The following CDH13 variants were observed in gnomAD, a reference collection of about 807,000 sequenced individuals.
CDH13 encodes cadherin-13.
Under a neutral mutation model 63.8 loss-of-function variants are expected in CDH13, and 24 were observed. The ratio of observed to expected loss-of-function variants is 0.38; its 90% CI spans 0.27 to 0.53. The LOEUF is 0.53. Ranked by LOEUF, CDH13 falls within the 20% of genes least tolerant of loss-of-function variation. The probability of loss-of-function intolerance (pLI) is 0.85; values close to 1 mark genes in which losing one functional copy is unlikely to be tolerated. For missense variants in CDH13, 1,049 were observed against 903.1 expected, an observed-to-expected ratio of 1.16 and a Z score of -2.07; for synonymous variants, 503 against 355.3, an observed-to-expected ratio of 1.42 and a Z score of -4.67.
At chr16:83,344,380 T>G (rs1432496375) in intron 5 of CDH13, among the ~76,000 whole-genome samples, 2 of 152,194 alleles carry the variant, frequency 1.3e-5, no homozygotes, top group Non-Finnish European at 2.9e-5. Context: ...AATTCTGAGT[T>G]CCTAGCCTGA....
chr16:83,061,604 A>G (rs769176078), intron 3 of CDH13, among the ~76,000 whole-genome samples: 3 of 152,160 alleles, frequency 2.0e-5, no homozygotes, highest in Non-Finnish European at 4.4e-5. Flanking sequence ...AGGGCACCCA[A>G]TGCAAAATTG....
At chr16:83,379,982 G>A (rs924595238) in intron 6 of CDH13, among the ~76,000 whole-genome samples, 12 of 145,534 alleles carry the variant, frequency 8.2e-5, no homozygotes, top group Non-Finnish European at 1.8e-4. Context: ...CCCAGAACAA[G>A]GAAGCCAATT....
chr16:83,183,391 G>C lies in CDH13; in HGVS notation c.484-33954G>C, dbSNP rs137968194. ...TGCTATGACCTTCCACGCACACGAC[G>C]TGAAGCCATGGATTTGTTTCCTAGG... On this transcript the variant is annotated intron_variant, in intron 4 of 13. Coordinates refer to ENST00000567109, the MANE Select transcript of CDH13 (RefSeq NM_001257.5). 3.2e-3 allele frequency among the ~76,000 whole-genome samples: 491 copies of C among 152,274 alleles called. 3 individuals are homozygous for C. The highest frequency in any genetic ancestry group is 0.011 in the African/African-American group (477 of 41,540).
chr16:83,210,275 A>G (rs11863501), intron 4 of CDH13, among the ~76,000 whole-genome samples: 142,967 of 151,890 alleles, frequency 0.94, 67,574 homozygotes, highest in East Asian at 1. Context: ...ATGTTGGCCA[A>G]GCTGGTCTTG....
At chr16:82,665,540 C>T (rs1356569919) in intron 1 of CDH13, among the ~76,000 whole-genome samples, 1 of 152,122 alleles carries the variant, frequency 6.6e-6, no homozygotes, top group African/African-American at 2.4e-5. Flanking sequence ...ATAAGAGAAT[C>T]AATTGTATGC....
intron 4 of CDH13, among the ~76,000 whole-genome samples, chr16:83,146,013 G>C (rs908198998): frequency 6.6e-6 from 1 of 152,046 alleles, no homozygotes; most frequent in Non-Finnish European, 1.5e-5. Context: ...GGCCAACTTG[G>C]TGAAACCCCA....
intron 4 of CDH13, among the ~76,000 whole-genome samples, chr16:83,200,880 G>A (rs73606366): frequency 0.048 from 7,225 of 151,712 alleles, 257 homozygotes; most frequent in African/African-American, 0.089. Context: ...GTATCCATGA[G>A]CCTGTTAATT....
At chr16:82,800,707 C>T (rs142579466) in intron 1 of CDH13, among the ~76,000 whole-genome samples, 20 of 152,300 alleles carry the variant, frequency 1.3e-4, no homozygotes, top group African/African-American at 4.3e-4. Flanking sequence ...AACTGCCACA[C>T]ACCTCATTAT....
intron 3 of CDH13, among the ~76,000 whole-genome samples, chr16:83,096,606 C>G (rs1249479416): frequency 6.6e-6 from 1 of 152,118 alleles, no homozygotes; most frequent in Admixed American, 6.6e-5. Context: ...AATTTAAATT[C>G]TTAATATGAG....
intron 1 of CDH13, among the ~76,000 whole-genome samples, chr16:82,791,237 C>CACAAAA (rs2036285461): frequency 9.7e-6 from 1 of 103,416 alleles, no homozygotes; most frequent in African/African-American, 3.9e-5. Flanking sequence ...ACTCCGTCTC[C>CACAAAA]AAAAAAAAAA....
chr16:83,538,873 A>G (rs2075245976), intron 7 of CDH13, among the ~76,000 whole-genome samples: 1 of 152,150 alleles, frequency 6.6e-6, no homozygotes, highest in Admixed American at 6.5e-5. Context: ...AAAATTTTGT[A>G]AAAAAATATA....
intron 4 of CDH13, among the ~76,000 whole-genome samples, chr16:83,161,001 G>T (rs996213559): frequency 6.6e-6 from 1 of 152,136 alleles, no homozygotes; most frequent in Admixed American, 6.6e-5. Context: ...TCTTGAGATC[G>T]CTGCCATTGC....
At chr16:82,812,135 C>T (rs1019017152) in intron 1 of CDH13, among the ~76,000 whole-genome samples, 1 of 152,094 alleles carries the variant, frequency 6.6e-6, no homozygotes, top group Non-Finnish European at 1.5e-5. Flanking sequence ...TCTTTATCTC[C>T]TAACAATCAT....
intron 1 of CDH13, among the ~76,000 whole-genome samples, chr16:82,702,830 C>G (rs1163391243): frequency 6.6e-6 from 1 of 152,176 alleles, no homozygotes; most frequent in Non-Finnish European, 1.5e-5. Flanking sequence ...GGTGCCTCAT[C>G]AGGCACAGCT....
chr16:83,552,203 G>C (rs7205395), intron 7 of CDH13, among the ~76,000 whole-genome samples: 99,015 of 151,998 alleles, frequency 0.65, 32,938 homozygotes, highest in Non-Finnish European at 0.71. Flanking sequence ...ATCTAGAAAG[G>C]AGCCTGTGGA....
At chr16:83,257,222 GAC>G (rs1906402650) in intron 5 of CDH13, among the ~76,000 whole-genome samples, 3 of 151,632 alleles carry the variant, frequency 2.0e-5, no homozygotes, top group African/African-American at 7.3e-5. Context: ...TGGACAAAGA[GAC>G]AGAATATACA....
chr16:83,096,113 G>A (rs1364784513), intron 3 of CDH13, among the ~76,000 whole-genome samples: 1 of 152,180 alleles, frequency 6.6e-6, no homozygotes, highest in Non-Finnish European at 1.5e-5. Flanking sequence ...AATAATGGTG[G>A]AAATATGTGG....
intron 3 of CDH13, among the ~76,000 whole-genome samples, chr16:83,095,896 G>A (rs907889549): frequency 3.9e-5 from 6 of 152,128 alleles, no homozygotes; most frequent in South Asian, 4.1e-4. Context: ...AACAATATTC[G>A]TAAGTACAGA....
chr16:83,021,198 C>G (rs1354388468), intron 2 of CDH13, among the ~76,000 whole-genome samples: 1 of 152,180 alleles, frequency 6.6e-6, no homozygotes, highest in African/African-American at 2.4e-5. Flanking sequence ...TGCCATCATT[C>G]TCAGTTGTGT....
Sources: allele counts gnomAD v4.1 joint callset (sites outside exome capture counted in the v4.1 genomes callset), GRCh38; gene constraint gnomAD v4.1.1; transcripts MANE v1.5; gene names NCBI Gene and HGNC (gene_info 2026-07-23, HGNC 2026-07-21).